Variants in CSMD1 observed in about 807,000 individuals in gnomAD.
CSMD1 encodes CUB and Sushi multiple domains 1.
CSMD1 carries 213 observed loss-of-function variants against 417.5 expected under a neutral mutation model. That is an observed-to-expected ratio of 0.51 (90% CI 0.46 to 0.57). CSMD1 has a LOEUF of 0.57. Ranked by LOEUF, CSMD1 falls within the 20% of genes least tolerant of loss-of-function variation. The pLI, the probability that CSMD1 is intolerant of heterozygous loss-of-function variation, is 0.00. For missense variants in CSMD1, 6,923 were observed against 4,529.7 expected (o/e 1.53, Z -15.17); for synonymous variants, 2,862 against 1,736.8 (o/e 1.65, Z -16.11).
chr8:4,645,375 A>T (rs1031973166), intron 1 of CSMD1, among the ~76,000 whole-genome samples: 12 of 144,928 alleles, frequency 8.3e-5, no homozygotes, highest in Non-Finnish European at 1.3e-4. Context: ...CATTAATGGT[A>T]ATAAAGTCAT....
At chr8:3,834,582 T>C (rs919755303) in intron 5 of CSMD1, among the ~76,000 whole-genome samples, 2 of 152,190 alleles carry the variant, frequency 1.3e-5, no homozygotes, top group Non-Finnish European at 2.9e-5. Flanking sequence ...GTATTACAAA[T>C]ATATAAATGT....
At chr8:4,737,627 T>C (rs1456687131) in intron 1 of CSMD1, among the ~76,000 whole-genome samples, 2 of 152,158 alleles carry the variant, frequency 1.3e-5, no homozygotes, top group African/African-American at 4.8e-5. Context: ...ATTTTACACA[T>C]TTTTTACCAA....
chr8:3,728,973 G>A (rs1264680484), intron 6 of CSMD1, among the ~76,000 whole-genome samples: 4 of 152,290 alleles, frequency 2.6e-5, no homozygotes, highest in East Asian at 3.9e-4. Flanking sequence ...TATCTGCAGG[G>A]CTGAGGTGGT....
chr8:4,955,037 G>A (rs969068527), intron 1 of CSMD1, among the ~76,000 whole-genome samples: 8 of 152,058 alleles, frequency 5.3e-5, no homozygotes, highest in African/African-American at 1.9e-4. Context: ...ATTTTCTCGG[G>A]ACATCCATTG....
chr8:4,517,229 A>G (rs1224362561), intron 2 of CSMD1, among the ~76,000 whole-genome samples: 1 of 152,234 alleles, frequency 6.6e-6, no homozygotes, highest in Non-Finnish European at 1.5e-5. Context: ...ATCAAGGCCT[A>G]TACATAAACA....
intron 26 of CSMD1, among the ~76,000 whole-genome samples, chr8:3,260,344 CA>C (rs1444794532): frequency 6.6e-6 from 1 of 152,090 alleles, no homozygotes; most frequent in Non-Finnish European, 1.5e-5. Context: ...TGGGAACCAG[CA>C]GCTGGAGTTT....
chr8:3,543,428 A>C (rs1177469238), intron 10 of CSMD1, among the ~76,000 whole-genome samples: 1 of 152,200 alleles, frequency 6.6e-6, no homozygotes, highest in African/African-American at 2.4e-5. Flanking sequence ...GCAAGTGCAG[A>C]AGGGCAGAAA....
intron 2 of CSMD1, among the ~76,000 whole-genome samples, chr8:4,433,182 A>T (rs998708487): frequency 2.0e-5 from 3 of 152,170 alleles, no homozygotes; most frequent in Non-Finnish European, 1.5e-5. Flanking sequence ...GGCGAGTTGT[A>T]TAACTATTTC....
chr8:3,686,489 G>T (rs1350927460), intron 7 of CSMD1, among the ~76,000 whole-genome samples: 1 of 151,924 alleles, frequency 6.6e-6, no homozygotes. Context: ...AATTAAAGAC[G>T]CTTAAAAAAA....
chr8:3,501,226 G>A (rs1175315270), intron 10 of CSMD1, among the ~76,000 whole-genome samples: 1 of 151,966 alleles, frequency 6.6e-6, no homozygotes, highest in African/African-American at 2.4e-5. Flanking sequence ...TTGCCTCTGT[G>A]CATGTGCATA....
chr8:4,238,600 G>C (rs1225223177), intron 3 of CSMD1, among the ~76,000 whole-genome samples: 1 of 152,174 alleles, frequency 6.6e-6, no homozygotes, highest in Non-Finnish European at 1.5e-5. Context: ...AAGGACTTCA[G>C]TCTTCTCACT....
In CSMD1 at chr8:3,307,690, A is replaced by G. The variant is rs767700246; in HGVS notation, c.3950+5T>C. On this transcript the variant is annotated splice_donor_5th_base_variant and intron_variant, in intron 25 of 69. Coordinates refer to ENST00000635120, the MANE Select transcript of CSMD1 (RefSeq NM_033225.6). ...AAATCACTGAAACCAAAATAAAACA[A>G]GTACCTAATGGTCTTTCCTGGGTCT... 24 of 1,612,382 alleles carry G rather than the reference A, an allele frequency of 1.5e-5. No homozygotes were observed. In the South Asian group the frequency reaches 2.4e-4, roughly 16 times the overall value.
At chr8:4,198,573 G>T (rs567055193) in intron 3 of CSMD1, among the ~76,000 whole-genome samples, 1 of 152,126 alleles carries the variant, frequency 6.6e-6, no homozygotes, top group African/African-American at 2.4e-5. Context: ...CGTGCACAAG[G>T]AATTTTTCAG....
rs529714295 is a variant in CSMD1 at position 4,040,759 on chromosome 8, G to A, written c.416-8660C>T. Among the ~76,000 whole-genome samples the A allele has an allele frequency of 3.3e-5, 5 of 152,296 alleles. No homozygotes were observed. In the East Asian group the frequency reaches 9.6e-4, roughly 29 times the overall value. ...AAGTCAAAAACAAGGTAAGCGACCA[G>A]TTGGCAAATGGATTTGAAACCTAGA... On this transcript the variant is annotated intron_variant, in intron 3 of 69. Transcript: ENST00000635120.
chr8:4,090,091 A>C (rs565575545), intron 3 of CSMD1, among the ~76,000 whole-genome samples: 2 of 152,336 alleles, frequency 1.3e-5, no homozygotes, highest in South Asian at 4.1e-4. Context: ...ACTTACACTT[A>C]AATACACCTT....
intron 2 of CSMD1, among the ~76,000 whole-genome samples, chr8:4,441,286 G>GGGA (rs1563176728): frequency 2.7e-5 from 3 of 110,734 alleles, no homozygotes; most frequent in Non-Finnish European, 3.7e-5. Flanking sequence ...TTTTTTTGGT[G>GGGA]GGGGGAGTAG....
At position 4,553,896 on chromosome 8, in the gene CSMD1, AC is replaced by A. The variant is rs139673996; in HGVS notation, c.302+83445del. Among the ~76,000 whole-genome samples the A allele has an allele frequency of 4.0e-3, 602 of 152,314 alleles. 3 individuals are homozygous for A. The highest frequency in any genetic ancestry group is 0.014 in the African/African-American group (584 of 41,574). ...CCAAAACAAGCTGCCTAAAACAAGC[AC>A]AAAAAATCTGATGACTGGTTCAGCT... On this transcript the variant is annotated intron_variant, in intron 2 of 69. Transcript: ENST00000635120.
chr8:3,327,891 T>A (rs1468859871), intron 23 of CSMD1, among the ~76,000 whole-genome samples: 4 of 152,186 alleles, frequency 2.6e-5, no homozygotes. Flanking sequence ...GGATATTCAC[T>A]GTGACCCGGA....
At chr8:3,876,383 TA>T (rs553454279) in intron 5 of CSMD1, among the ~76,000 whole-genome samples, 531 of 152,328 alleles carry the variant, frequency 3.5e-3, no homozygotes, top group Non-Finnish European at 6.4e-3. Context: ...GAGTACTCAA[TA>T]AACTTTCCTG....
Sources: gnomAD v4.1 joint callset for allele counts (sites outside exome capture counted in the v4.1 genomes callset) on GRCh38, gnomAD v4.1.1 for gene constraint, MANE v1.5 for transcripts, NCBI Gene and HGNC (gene_info 2026-07-23, HGNC 2026-07-21) for gene names.